TDRD5: variants seen among roughly 807,000 people sequenced by gnomAD.
TDRD5 encodes the protein tudor domain-containing protein 5.
In TDRD5, 41 loss-of-function variants were observed where a neutral mutation model predicts 120.6. The ratio of observed to expected loss-of-function variants is 0.34; its 90% CI spans 0.26 to 0.44. TDRD5 has a LOEUF of 0.44. Ranked by LOEUF, TDRD5 falls within the 20% of genes least tolerant of loss-of-function variation. The pLI, the probability that TDRD5 is intolerant of heterozygous loss-of-function variation, is 1.00. For synonymous variants in TDRD5, 430 were observed against 433.7 expected (o/e 0.99, Z 0.11); for missense variants, 1,006 against 1,221.2 (o/e 0.82, Z 2.63).
intron 11 of TDRD5, among the ~76,000 whole-genome samples, chr1:179,648,739 A>G (rs1678546088): frequency 6.6e-6 from 1 of 152,046 alleles, no homozygotes. Context: ...TTATCTATCT[A>G]AATGAGACGT....
intron 6 of TDRD5, among the ~76,000 whole-genome samples, chr1:179,629,649 T>A (rs1297301179): frequency 6.6e-6 from 1 of 152,210 alleles, no homozygotes; most frequent in Non-Finnish European, 1.5e-5. Flanking sequence ...ATATGAAGAC[T>A]GAAGGCAGCT....
chr1:179,645,208 C>T (rs1296448443), intron 11 of TDRD5, among the ~76,000 whole-genome samples: 3 of 148,740 alleles, frequency 2.0e-5, no homozygotes, highest in Non-Finnish European at 4.5e-5. Context: ...GCCTCAGCCT[C>T]CCAAGTAGCT....
chr1:179,627,831 T>C (rs991157344), intron 6 of TDRD5, among the ~76,000 whole-genome samples: 3 of 152,230 alleles, frequency 2.0e-5, no homozygotes, highest in Admixed American at 6.5e-5. Flanking sequence ...CAATCACTTA[T>C]CTTGGCATTC....
At chr1:179,647,040 G>T (rs1217520316) in intron 11 of TDRD5, among the ~76,000 whole-genome samples, 1 of 150,558 alleles carries the variant, frequency 6.6e-6, no homozygotes, top group African/African-American at 2.5e-5. Flanking sequence ...GTAATTTACA[G>T]ATTCAATGCC....
intron 6 of TDRD5, among the ~76,000 whole-genome samples, chr1:179,628,096 C>T (rs186478973): frequency 6.6e-6 from 1 of 152,136 alleles, no homozygotes; most frequent in East Asian, 1.9e-4. Context: ...TCTGATCAAG[C>T]CTGTGGGGAT....
intron 16 of TDRD5, among the ~76,000 whole-genome samples, chr1:179,665,400 C>A (rs1679508528): frequency 6.6e-6 from 1 of 152,026 alleles, no homozygotes; most frequent in African/African-American, 2.4e-5. Flanking sequence ...GGCCTTTGAT[C>A]CATTTTGAGT....
chr1:179,681,948 T>C (rs796491601), intron 17 of TDRD5, among the ~76,000 whole-genome samples: 400 of 984 alleles, frequency 0.41, 80 homozygotes, highest in Middle Eastern at 0.5. Flanking sequence ...CTTTTTTTTT[T>C]TTTTTTTTTT....
intron 17 of TDRD5, among the ~76,000 whole-genome samples, chr1:179,670,580 G>A (rs1228467464): frequency 2.0e-5 from 3 of 152,120 alleles, no homozygotes; most frequent in East Asian, 1.9e-4. Flanking sequence ...TGTTATTGTC[G>A]ATCTTTTTAA....
rs1383133500 is a variant in TDRD5, at chr1:179,592,621, T to C, written c.6T>C (p.Ser2=). The part of the protein sequence containing the change: M[S]EQERIQECLR... ...CTTCAGTCCTGTAGGGCACAATGTC[T>C]GAACAAGAGCGTATACAGGAATGTC... Residue 2 remains serine (S), a synonymous_variant, in exon 2 of 18, where the codon TCT becomes TCC. Transcript: ENST00000444136. 1.2e-6 allele frequency: 2 copies of C among 1,614,054 alleles called. No individual in the cohort carries two copies. Among genetic ancestry groups the C allele is most frequent in the Admixed American group, 1.7e-5 (1 of 60,026 alleles).
intron 17 of TDRD5, among the ~76,000 whole-genome samples, chr1:179,681,026 T>C (rs993367547): frequency 6.6e-6 from 1 of 152,192 alleles, no homozygotes; most frequent in Non-Finnish European, 1.5e-5. Flanking sequence ...ATTGTCAAGA[T>C]TGATAAAAAT....
At chr1:179,657,223 A>C (rs1679053503) in intron 14 of TDRD5, among the ~76,000 whole-genome samples, 1 of 152,162 alleles carries the variant, frequency 6.6e-6, no homozygotes, top group Non-Finnish European at 1.5e-5. Flanking sequence ...AATTTTGAGG[A>C]AAGTTGATGC....
At chr1:179,672,354 C>G (rs1034283616) in intron 17 of TDRD5, among the ~76,000 whole-genome samples, 5 of 152,040 alleles carry the variant, frequency 3.3e-5, no homozygotes, top group African/African-American at 1.2e-4. Flanking sequence ...ATTTGCATTT[C>G]CCTGATAATT....
rs1304394707 is a variant in TDRD5, at chr1:179,640,463, C to T, written c.1800+18C>T. 2 of 1,612,454 alleles carry T rather than the reference C, an allele frequency of 1.2e-6. No individual in the cohort carries two copies. The highest frequency in any genetic ancestry group is 4.5e-5 in the East Asian group (2 of 44,850). On this transcript the variant is annotated intron_variant, in intron 11 of 17. Transcript: ENST00000444136. ...CAGTAGAGGTATGTTTGCTTGTCTC[C>T]CATTTAATCAGCAAACACTTGAGTG...
intron 3 of TDRD5, among the ~76,000 whole-genome samples, 187 bp from the exon 4 acceptor site, chr1:179,595,441 T>C (rs1241700253): frequency 2.0e-5 from 3 of 152,198 alleles, no homozygotes; most frequent in Non-Finnish European, 4.4e-5. Flanking sequence ...TCTTCCTCTA[T>C]GGATGACTAA....
At chr1:179,671,883 G>A (rs1037892792) in intron 17 of TDRD5, among the ~76,000 whole-genome samples, 2 of 151,406 alleles carry the variant, frequency 1.3e-5, no homozygotes, top group African/African-American at 4.9e-5. Context: ...TAATAGTCTC[G>A]AATTCCATCC....
chr1:179,669,264 C>T lies in TDRD5; in HGVS notation c.2720C>T (p.Thr907Ile), dbSNP rs1558420124. 1 of 1,614,142 alleles carries T rather than the reference C, an allele frequency of 6.2e-7. No individual in the cohort carries two copies. Among genetic ancestry groups the T allele is most frequent in the East Asian group, 2.2e-5 (1 of 44,878 alleles). Residue 907 changes from threonine (T) to isoleucine (I), a missense_variant, in exon 17 of 18, where the codon ACC becomes ATC. Transcript: ENST00000444136. ...TTGGAAGAATTCTGTACCTCTCTTA[C>T]CCAGTCAGAGCAGTCAGCAGACGGG... ...PKLEEFCTSL[T>I]QSEQSADGSQ... is the part of the protein sequence containing the mutation.
chr1:179,599,638 C>T (rs1675593074), intron 4 of TDRD5, among the ~76,000 whole-genome samples: 1 of 151,828 alleles, frequency 6.6e-6, no homozygotes. Context: ...ATAATGTTCT[C>T]CCAGTAACAT....
intron 4 of TDRD5, among the ~76,000 whole-genome samples, chr1:179,597,332 CTTT>C (rs945509784): frequency 8.0e-6 from 1 of 125,566 alleles, no homozygotes; most frequent in Non-Finnish European, 1.6e-5. Flanking sequence ...TTCTTTTTTT[CTTT>C]TTTTTTTTTT....
intron 4 of TDRD5, among the ~76,000 whole-genome samples, chr1:179,614,630 G>A (rs899778648): frequency 6.6e-5 from 10 of 151,910 alleles, no homozygotes; most frequent in African/African-American, 2.4e-4. Context: ...TCCTTTCCTT[G>A]TACCTTTGCT....
Sources: allele counts gnomAD v4.1 joint callset (sites outside exome capture counted in the v4.1 genomes callset), GRCh38; gene constraint gnomAD v4.1.1; transcripts MANE v1.5; gene names NCBI Gene and HGNC (gene_info 2026-07-23, HGNC 2026-07-21).